Variants in SSUH2 observed in about 807,000 individuals in gnomAD.
SSUH2 encodes the protein protein SSUH2 homolog.
Under a neutral mutation model 55.3 loss-of-function variants are expected in SSUH2, and 47 were observed. The observed-to-expected ratio is 0.85, with a 90% CI of 0.67 to 1.08. The LOEUF (loss-of-function observed/expected upper bound fraction) is 1.08. Among genes scored for constraint, SSUH2 ranks in the 50% least tolerant of loss-of-function variants. The pLI is 0.00. For missense variants in SSUH2, 535 were observed against 490.7 expected, an observed-to-expected ratio of 1.09 and a Z score of -0.85; for synonymous variants, 212 against 191.5, an observed-to-expected ratio of 1.11 and a Z score of -0.89.
intron 1 of SSUH2, among the ~76,000 whole-genome samples, chr3:8,638,229 ACT>A (rs1477003583): frequency 6.6e-6 from 1 of 152,156 alleles, no homozygotes; most frequent in Non-Finnish European, 1.5e-5. Flanking sequence ...TCAGGGCTGG[ACT>A]GTAGCCCTGA....
chr3:8,670,054 G>C (rs1439916320), intron 5 of SSUH2, among the ~76,000 whole-genome samples: 1 of 152,102 alleles, frequency 6.6e-6, no homozygotes, highest in Non-Finnish European at 1.5e-5. Flanking sequence ...TGAGTCCACA[G>C]TGCTTGCACC....
intron 3 of SSUH2, among the ~76,000 whole-genome samples, chr3:8,674,978 G>GTC (rs1200665396): frequency 6.6e-6 from 1 of 152,124 alleles, no homozygotes; most frequent in Non-Finnish European, 1.5e-5. Flanking sequence ...ATCCAGGTCC[G>GTC]TCTCAAGCAC....
At chr3:8,631,772 C>T (rs1043313209) in intron 5 of SSUH2, among the ~76,000 whole-genome samples, 3 of 152,000 alleles carry the variant, frequency 2.0e-5, no homozygotes, top group African/African-American at 2.4e-5. Flanking sequence ...TGCTTTACAG[C>T]CCGGCCCCGT....
At chr3:8,665,626 C>G (rs1411654290) in intron 5 of SSUH2, among the ~76,000 whole-genome samples, 1 of 151,244 alleles carries the variant, frequency 6.6e-6, no homozygotes, top group Non-Finnish European at 1.5e-5. Flanking sequence ...TCAAAACCTT[C>G]TGCAACCCAA....
At chr3:8,646,647 A>T (rs182754905), upstream of SSUH2, among the ~76,000 whole-genome samples, 19 of 152,338 alleles carry the variant, frequency 1.2e-4, no homozygotes, top group African/African-American at 4.6e-4. Flanking sequence ...CGGCATCCGT[A>T]CAGAAGTGCT....
chr3:8,664,544 T>C (rs1703805045), intron 5 of SSUH2, among the ~76,000 whole-genome samples: 1 of 152,172 alleles, frequency 6.6e-6, no homozygotes, highest in African/African-American at 2.4e-5. Flanking sequence ...ACAAAACAGC[T>C]TTGAACCAAG....
chr3:8,623,769 G>C, intron 10 of SSUH2, 113 bp from the exon 11 acceptor site: 1 of 599,114 alleles, frequency 1.7e-6, no homozygotes. Context: ...GGGGCTGAGA[G>C]AGGGACCCAC....
At chr3:8,665,187 G>A (rs1255422358) in intron 5 of SSUH2, among the ~76,000 whole-genome samples, 1 of 151,206 alleles carries the variant, frequency 6.6e-6, no homozygotes, top group Non-Finnish European at 1.5e-5. Flanking sequence ...GTGAAAGAAA[G>A]AAGAAAAAGA....
intron 1 of SSUH2, among the ~76,000 whole-genome samples, chr3:8,636,204 C>T (rs1699899446): frequency 6.6e-6 from 1 of 152,124 alleles, no homozygotes; most frequent in South Asian, 2.1e-4. Flanking sequence ...TATGTGACTG[C>T]CTCAACCAAG....
At chr3:8,656,969 C>T (rs564654091) in intron 7 of SSUH2, among the ~76,000 whole-genome samples, 21 of 152,340 alleles carry the variant, frequency 1.4e-4, no homozygotes, top group African/African-American at 4.8e-4. Flanking sequence ...CAACCTCCAC[C>T]TCCCAGGTTC....
At chr3:8,671,352 A>C (rs1370663027) in intron 4 of SSUH2, among the ~76,000 whole-genome samples, 1 of 152,144 alleles carries the variant, frequency 6.6e-6, no homozygotes, top group African/African-American at 2.4e-5. Flanking sequence ...CTAGAATATG[A>C]CGATAATATC....
Position 8,676,322 on chromosome 3 carries a change from G to A in SSUH2, c.-753+884C>T, listed in dbSNP as rs139154272. Among the ~76,000 whole-genome samples, 636 of 152,046 alleles carry A rather than the reference G, an allele frequency of 4.2e-3. 14 individuals carry two copies. The East Asian group carries it at 0.05, about 12-fold the overall frequency. ...GGGTGTTTCTACTCCCTGCGATATCGCGTGTCATATCCTCCTCTCCCACGT... is the reference window on the plus strand; with the variant it reads ...GGGTGTTTCTACTCCCTGCGATATCACGTGTCATATCCTCCTCTCCCACGT... On this transcript the variant is annotated intron_variant, in intron 3 of 18. Transcript: ENST00000317371.
chr3:8,672,653 A>G (rs758133828), intron 3 of SSUH2, among the ~76,000 whole-genome samples: 1 of 152,114 alleles, frequency 6.6e-6, no homozygotes, highest in Non-Finnish European at 1.5e-5. Context: ...TACTAGGAAC[A>G]ATATCAGAAG....
Position 8,666,956 on chromosome 3 carries a change from G to T in SSUH2, c.-454-3154C>A, listed in dbSNP as rs192720074. ...ATGATACTGATGAAGAGACTTGTAG[G>T]GTGCAGAGCTTCCATGCCCTCCCAT... On this transcript the variant is annotated intron_variant, in intron 5 of 18. Transcript: ENST00000317371. Among the ~76,000 whole-genome samples, 41 of 152,302 alleles carry T rather than the reference G, an allele frequency of 2.7e-4. No individual in the cohort carries two copies. In the Middle Eastern group the frequency reaches 0.017, roughly 63 times the overall value.
chr3:8,626,351 G>A (rs746170619), intron 8 of SSUH2, 30 bp from the exon 9 acceptor site: 379 of 1,591,194 alleles, frequency 2.4e-4, no homozygotes, highest in Non-Finnish European at 3.0e-4. Context: ...CGTACCCCCA[G>A]ATCAGTTGCA....
intron 5 of SSUH2, among the ~76,000 whole-genome samples, chr3:8,669,895 A>C (rs2125402557): frequency 6.6e-6 from 1 of 152,302 alleles, no homozygotes; most frequent in South Asian, 2.1e-4. Flanking sequence ...GACTCAATGT[A>C]ATGTGGGATT....
chr3:8,662,717 C>T (rs188909790), intron 6 of SSUH2, among the ~76,000 whole-genome samples: 2 of 152,342 alleles, frequency 1.3e-5, no homozygotes, highest in Admixed American at 6.5e-5. Context: ...ATTACCTACA[C>T]AGCCCTGCTT....
intron 1 of SSUH2, among the ~76,000 whole-genome samples, chr3:8,639,024 C>T (rs1171857523): frequency 6.6e-6 from 1 of 152,218 alleles, no homozygotes; most frequent in Non-Finnish European, 1.5e-5. Flanking sequence ...CCTCTCAGAG[C>T]AGCTACAGTT....
Position 8,678,894 on chromosome 3 carries a change from A to C in SSUH2, c.-901+811T>G, listed in dbSNP as rs4539932. Among the ~76,000 whole-genome samples, 8 of 101,106 alleles carry C rather than the reference A, an allele frequency of 7.9e-5. 1 individual carries two copies. Among genetic ancestry groups the C allele is most frequent in the East Asian group, 4.9e-4 (2 of 4,086 alleles). The allele number at this position is 101,106 out of a possible 152,430, so 66.3% of individuals were successfully genotyped here. Reference sequence around the variant, plus strand: ...GCTCTTAGGATCCCCATTGCAAGGGAGGGAGGCACCCCCCGCCAGGCGGGG... The same window carrying C: ...GCTCTTAGGATCCCCATTGCAAGGGCGGGAGGCACCCCCCGCCAGGCGGGG... On this transcript the variant is annotated intron_variant, in intron 2 of 18. Coordinates refer to the SSUH2 transcript ENST00000317371.
Sources: gnomAD v4.1 joint callset for allele counts (sites outside exome capture counted in the v4.1 genomes callset) on GRCh38, gnomAD v4.1.1 for gene constraint, MANE v1.5 for transcripts, NCBI Gene and HGNC (gene_info 2026-07-23, HGNC 2026-07-21) for gene names.